The following ATG4C variants were observed in gnomAD, a reference collection of about 807,000 sequenced individuals.
The protein encoded by ATG4C is cysteine protease ATG4C.
Under a neutral mutation model 57.6 loss-of-function variants are expected in ATG4C, and 56 were observed. That is an observed-to-expected ratio of 0.97 (90% CI 0.78 to 1.21). ATG4C has a LOEUF of 1.21. Ranked by LOEUF, ATG4C falls within the 50% of genes most tolerant of loss-of-function variation. ATG4C has a pLI of 0.00. For synonymous variants in ATG4C, 157 were observed against 174.1 expected (o/e 0.90, Z 0.78); for missense variants, 595 against 529.8 (o/e 1.12, Z -1.21).
intron 10 of ATG4C, among the ~76,000 whole-genome samples, chr1:62,858,089 G>T (rs1355255806): frequency 6.6e-6 from 1 of 152,196 alleles, no homozygotes; most frequent in Admixed American, 6.5e-5. Flanking sequence ...TGTAGAAGCT[G>T]TTCATCTGAC....
chr1:62,821,579 A>G (rs1417937830), intron 6 of ATG4C, among the ~76,000 whole-genome samples: 1 of 152,038 alleles, frequency 6.6e-6, no homozygotes, highest in Non-Finnish European at 1.5e-5. Context: ...AATTGAATAT[A>G]TTTCTCACTA....
At position 62,864,208 on chromosome 1, in the gene ATG4C, A is replaced by T. The variant is rs772432797; in HGVS notation, c.*49A>T. On this transcript the variant is annotated 3_prime_UTR_variant, in exon 11 of 11. Transcript: ENST00000317868. ...AAGAAGAATTCCATTGAAAGGGGAAAAATGAAGAGAAACAAGTATATCTGA... is the reference window on the plus strand; with the variant it reads ...AAGAAGAATTCCATTGAAAGGGGAATAATGAAGAGAAACAAGTATATCTGA... The T allele has an allele frequency of 2.1e-6, 3 of 1,438,428 alleles. No homozygotes were observed. Among genetic ancestry groups the T allele is most frequent in the Non-Finnish European group, 2.8e-6 (3 of 1,061,030 alleles). 89.1% of individuals were successfully genotyped at this position (1,438,428 alleles called of 1,614,324 possible).
At chr1:62,784,471 G>GTTGCTTTGT (rs1664016005) in intron 1 of ATG4C, among the ~76,000 whole-genome samples, 198 bp downstream of exon 1, 2 of 152,082 alleles carry the variant, frequency 1.3e-5, no homozygotes, top group Admixed American at 1.3e-4. Flanking sequence ...TCCTCGCTTT[G>GTTGCTTTGT]TCCTGGGTTG....
intron 10 of ATG4C, among the ~76,000 whole-genome samples, chr1:62,844,528 T>C (rs759053670): frequency 6.6e-6 from 1 of 152,260 alleles, no homozygotes; most frequent in Admixed American, 6.5e-5. Flanking sequence ...TGGAGAGTCT[T>C]GAATTAAAGC....
At chr1:62,851,702 G>T (rs1412658133) in intron 10 of ATG4C, among the ~76,000 whole-genome samples, 3 of 151,960 alleles carry the variant, frequency 2.0e-5, no homozygotes, top group Non-Finnish European at 2.9e-5. Flanking sequence ...ATTTCACAGA[G>T]ATGACCGAAC....
intron 7 of ATG4C, among the ~76,000 whole-genome samples, chr1:62,830,247 C>G (rs1374931657): frequency 6.6e-6 from 1 of 151,976 alleles, no homozygotes; most frequent in Non-Finnish European, 1.5e-5. Flanking sequence ...GTTTTGATGT[C>G]TGACATGTAT....
chr1:62,784,586 T>C (rs1664020926), intron 1 of ATG4C, among the ~76,000 whole-genome samples: 1 of 152,190 alleles, frequency 6.6e-6, no homozygotes, highest in South Asian at 2.1e-4. Flanking sequence ...TCGCATCCAT[T>C]TGACCCCTCC....
At chr1:62,815,018 T>C (rs1459421626) in intron 3 of ATG4C, among the ~76,000 whole-genome samples, 1 of 152,150 alleles carries the variant, frequency 6.6e-6, no homozygotes, top group African/African-American at 2.4e-5. Flanking sequence ...TAAGTCAAGA[T>C]TGCACCACTG....
intron 6 of ATG4C, among the ~76,000 whole-genome samples, chr1:62,822,083 T>C (rs1665500853): frequency 2.0e-5 from 3 of 152,174 alleles, no homozygotes; most frequent in African/African-American, 4.8e-5. Context: ...AAAAATGGCT[T>C]AGCCACCTCA....
chr1:62,798,993 C>G (rs554684664), intron 1 of ATG4C, among the ~76,000 whole-genome samples: 3 of 152,260 alleles, frequency 2.0e-5, no homozygotes, highest in African/African-American at 7.2e-5. Flanking sequence ...GGTTGGAGTG[C>G]AGTAGCACAA....
At chr1:62,813,243 A>C (rs1376271110) in intron 3 of ATG4C, among the ~76,000 whole-genome samples, 1 of 152,194 alleles carries the variant, frequency 6.6e-6, no homozygotes, top group Non-Finnish European at 1.5e-5. Flanking sequence ...TACAGTAACC[A>C]AAACAGATAT....
intron 10 of ATG4C, among the ~76,000 whole-genome samples, chr1:62,844,208 G>A (rs935663005): frequency 1.3e-5 from 2 of 152,110 alleles, no homozygotes; most frequent in African/African-American, 4.8e-5. Flanking sequence ...TCCATTTCTG[G>A]CAAGCCTCCC....
rs1437304759 is a variant in ATG4C, at chr1:62,829,555, CTA to C, written c.933+381_933+382del. On this transcript the variant is annotated intron_variant, in intron 7 of 10. Coordinates refer to ENST00000317868, the MANE Select transcript of ATG4C (RefSeq NM_032852.4). ...TTATTGAAAAAACTCTCTATTACTGCTATGTTATCTCATAATATGTTTCCTGT... is the reference window on the plus strand; with the variant it reads ...TTATTGAAAAAACTCTCTATTACTGCTGTTATCTCATAATATGTTTCCTGT... 3.3e-5 allele frequency among the ~76,000 whole-genome samples: 5 copies of C among 152,108 alleles called. No individual in the cohort carries two copies. The East Asian group carries it at 9.6e-4, about 29-fold the overall frequency.
At chr1:62,849,607 A>T (rs898713244) in intron 10 of ATG4C, among the ~76,000 whole-genome samples, 1 of 151,238 alleles carries the variant, frequency 6.6e-6, no homozygotes, top group Non-Finnish European at 1.5e-5. Context: ...TGCCTCCCGG[A>T]TTCTAGTGAT....
chr1:62,817,580 C>T (rs955641699), intron 4 of ATG4C, among the ~76,000 whole-genome samples: 9 of 152,002 alleles, frequency 5.9e-5, no homozygotes, highest in African/African-American at 1.9e-4. Flanking sequence ...CTCCTAGGCT[C>T]AAGTGATGCT....
intron 6 of ATG4C, among the ~76,000 whole-genome samples, chr1:62,826,061 C>A (rs1665640174): frequency 6.6e-6 from 1 of 152,012 alleles, no homozygotes; most frequent in South Asian, 2.1e-4. Context: ...GTGCCTGCCA[C>A]CATGCCCGGC....
chr1:62,805,735 T>A (rs1482632029), intron 3 of ATG4C, among the ~76,000 whole-genome samples: 4 of 152,198 alleles, frequency 2.6e-5, no homozygotes, highest in Admixed American at 6.5e-5. Flanking sequence ...CTGGGCTCTT[T>A]AGGAAATATC....
intron 9 of ATG4C, among the ~76,000 whole-genome samples, chr1:62,838,567 C>A (rs1305444416): frequency 6.6e-6 from 1 of 152,072 alleles, no homozygotes; most frequent in Non-Finnish European, 1.5e-5. Context: ...CACCTGAGGT[C>A]AGGAGTTTGA....
chr1:62,841,157 C>T (rs1425833518), intron 9 of ATG4C, among the ~76,000 whole-genome samples: 1 of 152,126 alleles, frequency 6.6e-6, no homozygotes, highest in Non-Finnish European at 1.5e-5. Context: ...GAAATGCATA[C>T]CACTTTTGAC....
Sources: allele counts gnomAD v4.1 joint callset (sites outside exome capture counted in the v4.1 genomes callset), GRCh38; gene constraint gnomAD v4.1.1; transcripts MANE v1.5; gene names NCBI Gene and HGNC (gene_info 2026-07-23, HGNC 2026-07-21).